PPP6R2: variants seen among roughly 807,000 people sequenced by gnomAD.
PPP6R2 encodes serine/threonine-protein phosphatase 6 regulatory subunit 2.
Under a neutral mutation model 100.2 loss-of-function variants are expected in PPP6R2, and 62 were observed. The ratio of observed to expected loss-of-function variants is 0.62; its 90% CI spans 0.50 to 0.76. The LOEUF (loss-of-function observed/expected upper bound fraction) is 0.76. Ranked by LOEUF, PPP6R2 falls within the 30% of genes least tolerant of loss-of-function variation. PPP6R2 has a pLI of 0.00. For missense variants in PPP6R2, 1,142 were observed against 1,276.3 expected (o/e 0.89, Z 1.60); for synonymous variants, 525 against 514.7 (o/e 1.02, Z -0.27).
rs777616944 is a variant in PPP6R2 at position 50,443,990 on chromosome 22, G to C, written c.2704G>C (p.Ala902Pro). Residue 902 changes from alanine to proline, a missense_variant, in exon 23 of 24, where the codon GCT (alanine) becomes CCT (proline). Transcript: ENST00000612753. The part of the protein sequence containing the change: ...TVAITTALSK[A>P]GPAIPTPAVS... ...GGCCATCACCACAGCACTGAGCAAG[G>C]CTGGCCCCGCCATACCCACCCCAGC... The C allele has an allele frequency of 5.6e-6, 9 of 1,612,606 alleles. No homozygotes were observed. The East Asian group carries it at 1.8e-4, about 32-fold the overall frequency.
chr22:50,442,274 G>C (rs1230677585), intron 22 of PPP6R2, among the ~76,000 whole-genome samples: 1 of 152,202 alleles, frequency 6.6e-6, no homozygotes, highest in African/African-American at 2.4e-5. Flanking sequence ...GGGGCTCCGG[G>C]CATCTCCCCC....
At chr22:50,428,010 A>C (rs2878116) in intron 10 of PPP6R2, among the ~76,000 whole-genome samples, 1 of 150,208 alleles carries the variant, frequency 6.7e-6, no homozygotes, top group Non-Finnish European at 1.5e-5. Context: ...GTGAGCCACC[A>C]CGCCCAGCCA....
chr22:50,430,764 C>T (rs2062974280), intron 10 of PPP6R2, among the ~76,000 whole-genome samples: 1 of 151,190 alleles, frequency 6.6e-6, no homozygotes, highest in African/African-American at 2.4e-5. Context: ...ATCCCAGCTA[C>T]CAGGGAGGCT....
intron 12 of PPP6R2, 99 bp downstream of exon 12, chr22:50,432,428 G>A (rs1433166431): frequency 1.7e-6 from 2 of 1,181,406 alleles, no homozygotes; most frequent in African/African-American, 3.0e-5. Flanking sequence ...CAGGACTGCA[G>A]GATCGGGTGG....
upstream of PPP6R2, chr22:50,343,206 G>T: frequency 6.6e-6 from 1 of 151,464 alleles, no homozygotes; most frequent in South Asian, 1.9e-4. Context: ...CCCCACTCCA[G>T]GGGGCCCGGA....
intron 13 of PPP6R2, among the ~76,000 whole-genome samples, chr22:50,435,832 G>A (rs1424225489): frequency 1.3e-5 from 2 of 152,200 alleles, no homozygotes; most frequent in Non-Finnish European, 2.9e-5. Context: ...CCCAGGGCAG[G>A]GGCAGTTTAA....
chr22:50,351,022 C>A, intron 1 of PPP6R2, among the ~76,000 whole-genome samples: 1 of 107,092 alleles, frequency 9.3e-6, no homozygotes, highest in South Asian at 3.5e-4. Flanking sequence ...TAGGTCTCAA[C>A]AGTGTTTTTT....
intron 3 of PPP6R2, among the ~76,000 whole-genome samples, chr22:50,404,087 C>T (rs62241888): frequency 2.5e-5 from 3 of 119,146 alleles, no homozygotes; most frequent in African/African-American, 8.8e-5. Flanking sequence ...CCTGCACATT[C>T]TATTTTTTTT....
At chr22:50,377,842 A>G (rs533983062) in intron 2 of PPP6R2, among the ~76,000 whole-genome samples, 1 of 152,146 alleles carries the variant, frequency 6.6e-6, no homozygotes, top group East Asian at 1.9e-4. Context: ...CCCTGTCTCT[A>G]CTAAAAACAC....
chr22:50,373,500 C>T (rs916204704), intron 2 of PPP6R2, among the ~76,000 whole-genome samples: 1 of 151,924 alleles, frequency 6.6e-6, no homozygotes, highest in Non-Finnish European at 1.5e-5. Context: ...GCCTCGGCCT[C>T]CCAAAGTGCT....
At position 50,432,273 on chromosome 22, in the gene PPP6R2, G is replaced by A; in HGVS notation, c.1344G>A (p.Gln448=). ...PDNTMVTHLF[Q]KCCLVQRILE... ...CCTGCCCCGCCCCCCAGCTGTTCCA[G>A]AAGTGCTGCCTGGTGCAGAGGATCC... is the stretch of plus-strand genomic sequence containing the variant. Residue 448 remains glutamine (Q), a synonymous_variant, in exon 12 of 24, where the codon CAG becomes CAA. Transcript: ENST00000612753. 1 of 1,550,084 alleles carries A rather than the reference G, an allele frequency of 6.5e-7. No individual in the cohort carries two copies. The highest frequency in any genetic ancestry group is 8.7e-7 in the Non-Finnish European group (1 of 1,147,138).
At chr22:50,404,708 G>A (rs1176378153) in intron 3 of PPP6R2, among the ~76,000 whole-genome samples, 4 of 151,854 alleles carry the variant, frequency 2.6e-5, no homozygotes, top group Non-Finnish European at 5.9e-5. Flanking sequence ...AAAGTGCTGG[G>A]GTTATAGGTG....
chr22:50,406,032 A>G (rs111167002), intron 3 of PPP6R2, among the ~76,000 whole-genome samples: 65 of 114,206 alleles, frequency 5.7e-4, no homozygotes, highest in African/African-American at 7.8e-4. Context: ...GAGGTGAGAG[A>G]CCTGGCAGGC....
rs547471093 is a variant in PPP6R2, at chr22:50,386,903, G to A, written c.-16-6990G>A. On this transcript the variant is annotated intron_variant, in intron 2 of 23. Transcript: ENST00000612753. ...TGAAGAAAGGGAAACTGGAAACTGG[G>A]GACAAGTAGAATGTCCCCCACACCT... Among the ~76,000 whole-genome samples the A allele has an allele frequency of 1.5e-3, 227 of 152,194 alleles. 1 individual carries two copies. The highest frequency in any genetic ancestry group is 5.3e-3 in the African/African-American group (220 of 41,538).
intron 3 of PPP6R2, among the ~76,000 whole-genome samples, chr22:50,399,385 G>T (rs7511349): frequency 0.34 from 51,891 of 152,094 alleles, 9,717 homozygotes; most frequent in East Asian, 0.74. Context: ...CAAATGGATG[G>T]GGCTACATTC....
rs950959104 is a variant in PPP6R2, at chr22:50,432,013, G to C, written c.1336-252G>C. On this transcript the variant is annotated intron_variant, in intron 11 of 23. Transcript: ENST00000612753. Reference sequence around the variant, plus strand: ...GGTCAGGGGGCAATTCCAGGAGTTGGAGGAGAAGGGAGAGGGTCCTTTTCT... The same window carrying C: ...GGTCAGGGGGCAATTCCAGGAGTTGCAGGAGAAGGGAGAGGGTCCTTTTCT... Among the ~76,000 whole-genome samples, 5 of 152,158 alleles carry C rather than the reference G, an allele frequency of 3.3e-5. 1 individual carries two copies. The highest frequency in any genetic ancestry group is 1.2e-4 in the African/African-American group (5 of 41,430).
rs536929815 is a variant in PPP6R2 at position 50,421,899 on chromosome 22, C to T, written c.846-355C>T. On this transcript the variant is annotated intron_variant, in intron 8 of 23. Transcript: ENST00000612753. ...AATAAAAATAAATAAAAATAAAAGT[C>T]GACACAGGAACAGTGAAAGAGACAG... is the stretch of plus-strand genomic sequence containing the variant. Among the ~76,000 whole-genome samples the T allele has an allele frequency of 1.3e-4, 20 of 152,086 alleles. No individual in the cohort carries two copies. The South Asian group carries it at 2.3e-3, about 17-fold the overall frequency.
At chr22:50,390,486 GAATT>G (rs960203539) in intron 2 of PPP6R2, among the ~76,000 whole-genome samples, 117 of 152,168 alleles carry the variant, frequency 7.7e-4, no homozygotes, top group African/African-American at 2.8e-3. Flanking sequence ...AATGATCAAA[GAATT>G]AATCATCAAG....
At position 50,431,050 on chromosome 22, in the gene PPP6R2, C is replaced by T. The variant is rs2148086634; in HGVS notation, c.1126-123C>T. On this transcript the variant is annotated intron_variant, in intron 10 of 23. Coordinates refer to ENST00000612753, the MANE Select transcript of PPP6R2 (RefSeq NM_001242898.2). This position sits in a 1 kb window ranked among gnomAD's most constrained non-coding sequence, Gnocchi z 4.8. ...AACGCTTAAAACTCCTTCCTAGCTA[C>T]CCAGAGACTGGACTTGTGAGGAGTT... is the stretch of plus-strand genomic sequence containing the variant. 1 of 766,066 alleles carries T rather than the reference C, an allele frequency of 1.3e-6. No individual in the cohort carries two copies. The highest frequency in any genetic ancestry group is 1.7e-5 in the South Asian group (1 of 59,740). The allele number at this position is 766,066 out of a possible 1,614,324, so 47.5% of individuals were successfully genotyped here. A position where few individuals can be genotyped will look rare whatever the true frequency, so the allele number is the denominator to read the frequency against.
Sources: gnomAD v4.1 joint callset for allele counts (sites outside exome capture counted in the v4.1 genomes callset) on GRCh38, gnomAD v4.1.1 for gene constraint, Gnocchi (gnomAD v3.1) non-coding constraint, MANE v1.5 for transcripts, NCBI Gene and HGNC (gene_info 2026-07-23, HGNC 2026-07-21) for gene names.